Variants in UBR3 observed in about 807,000 individuals in gnomAD.
UBR3 encodes E3 ubiquitin-protein ligase UBR3.
In UBR3, 85 loss-of-function variants were observed where a neutral mutation model predicts 243.2. The observed-to-expected ratio is 0.35, with a 90% CI of 0.29 to 0.42. The LOEUF is 0.42. UBR3 is among the 10% of genes least tolerant of loss of function. UBR3 has a pLI of 1.00. For missense variants in UBR3, 1,686 were observed against 2,300.8 expected, an observed-to-expected ratio of 0.73 and a Z score of 5.47; for synonymous variants, 748 against 799.8, an observed-to-expected ratio of 0.94 and a Z score of 1.09.
In UBR3 at chr2:169,994,346, G is replaced by T; in HGVS notation, c.3808G>T (p.Val1270Phe). The change falls in exon 26 of 39, where the codon GTT becomes TTT. Residue 1270 changes from valine to phenylalanine, a missense_variant. Physicochemically the swap from Val to Phe is conservative, Grantham distance 50 (BLOSUM62 -1). Around this residue, in one of 8 missense-constraint regions of UBR3, gnomAD observed 156 missense variants for 246.3 expected, o/e 0.63. Transcript: ENST00000272793. ...AGTTTTGGGGCAGTGCCGTGACAAT[G>T]TTGAGCCAAAAAAGTTGCCGATCAG... ...SSVLGQCRDN[V>F]EPKKLPISEE... 3 of 1,614,114 alleles carry T rather than the reference G, an allele frequency of 1.9e-6. No homozygotes were observed. Among genetic ancestry groups the T allele is most frequent in the Non-Finnish European group, 2.5e-6 (3 of 1,180,012 alleles).
chr2:170,073,228 AT>A (rs2091737212), intron 35 of UBR3, among the ~76,000 whole-genome samples, 199 bp from the exon 36 acceptor site: 2 of 152,146 alleles, frequency 1.3e-5, no homozygotes, highest in Admixed American at 1.3e-4. Flanking sequence ...TTTCAAAGAG[AT>A]GTATTTTGGG....
At chr2:169,881,634 G>C (rs2083832908) in intron 5 of UBR3, among the ~76,000 whole-genome samples, 2 of 138,740 alleles carry the variant, frequency 1.4e-5, no homozygotes, top group East Asian at 4.1e-4. Flanking sequence ...TTTTGAGATA[G>C]GGTCTTGCTC....
At chr2:169,995,676 T>C (rs1000699985) in intron 26 of UBR3, among the ~76,000 whole-genome samples, 1 of 152,204 alleles carries the variant, frequency 6.6e-6, no homozygotes, top group African/African-American at 2.4e-5. Context: ...TTTAAAGATA[T>C]ATAATAAAAT....
At chr2:169,979,043 T>G (rs2088598516) in intron 24 of UBR3, among the ~76,000 whole-genome samples, 2 of 152,190 alleles carry the variant, frequency 1.3e-5, no homozygotes. Context: ...ATTCAAAAGA[T>G]ATAAATAATT....
At chr2:170,046,712 A>T (rs1023310830) in intron 32 of UBR3, among the ~76,000 whole-genome samples, 16 of 152,002 alleles carry the variant, frequency 1.1e-4, no homozygotes, top group Admixed American at 3.3e-4. Context: ...TAAAACTAAA[A>T]TTTTTTCCTA....
chr2:170,078,121 T>G lies in UBR3; in HGVS notation c.5200-1693T>G, dbSNP rs2091848409. The G allele has an allele frequency of 6.4e-6, 4 of 620,628 alleles. No individual in the cohort carries two copies. The Admixed American group carries it at 9.2e-5, about 14-fold the overall frequency. 38.4% of individuals were successfully genotyped at this position (620,628 alleles called of 1,614,324 possible). On this transcript the variant is annotated intron_variant, in intron 36 of 38. Transcript: ENST00000272793. ...TCTTGATGGTCTTTTTCATTTGTAT[T>G]TTCTCAGCATGGTGCTGTTTAAGAT...
At chr2:169,905,087 T>C (rs2084966105) in intron 8 of UBR3, 27 bp from the exon 9 acceptor site, 4 of 1,428,576 alleles carry the variant, frequency 2.8e-6, no homozygotes, top group Non-Finnish European at 3.7e-6. Context: ...CTTATGAAAT[T>C]TTTGGGTTGT....
intron 11 of UBR3, among the ~76,000 whole-genome samples, chr2:169,916,996 C>T (rs751221366): frequency 6.6e-6 from 1 of 152,122 alleles, no homozygotes; most frequent in African/African-American, 2.4e-5. Flanking sequence ...CTCTCTTTAC[C>T]TCCCAGTGGC....
At position 170,081,907 on chromosome 2, in the gene UBR3, C is replaced by A; in HGVS notation, c.*64C>A. ...TACGAATTTATTTTTCAACAATAAG[C>A]TTTAACTTAATTTGGGGGATTAACA... On this transcript the variant is annotated 3_prime_UTR_variant, in exon 39 of 39. Transcript: ENST00000272793. 8.4e-7 allele frequency: 1 copy of A among 1,184,400 alleles called. No homozygotes were observed. The highest frequency in any genetic ancestry group is 1.2e-6 in the Non-Finnish European group (1 of 862,980). The allele number at this position is 1,184,400 out of a possible 1,614,324, so 73.4% of individuals were successfully genotyped here.
intron 8 of UBR3, among the ~76,000 whole-genome samples, chr2:169,902,189 C>T (rs2105331521): frequency 6.6e-6 from 1 of 152,276 alleles, no homozygotes; most frequent in East Asian, 1.9e-4. Flanking sequence ...CACACATTAC[C>T]AACTCTGTCC....
At chr2:169,960,946 G>A (rs1044419857) in intron 24 of UBR3, among the ~76,000 whole-genome samples, 4 of 152,064 alleles carry the variant, frequency 2.6e-5, no homozygotes, top group African/African-American at 7.3e-5. Context: ...TCTTTAGTAC[G>A]TAGCCTCTTT....
chr2:169,903,760 C>T (rs140264651), intron 8 of UBR3, among the ~76,000 whole-genome samples: 276 of 152,198 alleles, frequency 1.8e-3, no homozygotes, highest in African/African-American at 6.3e-3. Context: ...GTGGCACATA[C>T]TTGTAATCCC....
intron 32 of UBR3, among the ~76,000 whole-genome samples, chr2:170,051,407 C>T (rs1395003590): frequency 6.6e-6 from 1 of 152,086 alleles, no homozygotes; most frequent in East Asian, 1.9e-4. Flanking sequence ...GCAATGGCAC[C>T]ATTATCAGCT....
Position 169,827,462 on chromosome 2 carries a change from TGGA to T in UBR3, c.-41_-39del. The T allele has an allele frequency of 8.2e-7, 1 of 1,217,780 alleles. No individual in the cohort carries two copies. Among genetic ancestry groups the T allele is most frequent in the Non-Finnish European group, 1.0e-6 (1 of 978,904 alleles). 75.4% of individuals were successfully genotyped at this position (1,217,780 alleles called of 1,614,324 possible). On this transcript the variant is annotated 5_prime_UTR_variant, in exon 1 of 39. Coordinates refer to ENST00000272793, the MANE Select transcript of UBR3 (RefSeq NM_172070.4). ...CAGCAGTCTATTCCCTCACTCTCCCTGGAGGAGCCGCTGGCCCTGGACTCTCCA... is the reference window on the plus strand; with the variant it reads ...CAGCAGTCTATTCCCTCACTCTCCCTGGAGCCGCTGGCCCTGGACTCTCCA...
chr2:170,044,287 T>C (rs2091033257), intron 32 of UBR3, among the ~76,000 whole-genome samples: 1 of 152,212 alleles, frequency 6.6e-6, no homozygotes, highest in Non-Finnish European at 1.5e-5. Context: ...TTAGACTTAC[T>C]AGAACGTTAA....
rs571110048 is a variant in UBR3, at chr2:170,046,637, A to G, written c.4660+5652A>G. Among the ~76,000 whole-genome samples the G allele has an allele frequency of 7.9e-5, 12 of 152,344 alleles. No individual in the cohort carries two copies. The South Asian group carries it at 2.5e-3, about 32-fold the overall frequency. ...TTCCAGTTGTTCCTCTTTATGTGAC[A>G]GTAGAAGCTATTGATTATTCTCTAG... On this transcript the variant is annotated intron_variant, in intron 32 of 38. Coordinates refer to ENST00000272793, the MANE Select transcript of UBR3 (RefSeq NM_172070.4).
intron 1 of UBR3, among the ~76,000 whole-genome samples, chr2:169,865,978 C>T (rs1282676812): frequency 6.6e-6 from 1 of 151,768 alleles, no homozygotes; most frequent in Non-Finnish European, 1.5e-5. Flanking sequence ...GGCGAAACCC[C>T]ATCTCTACTA....
intron 32 of UBR3, among the ~76,000 whole-genome samples, chr2:170,046,239 A>G (rs1010948573): frequency 2.0e-5 from 3 of 152,178 alleles, no homozygotes; most frequent in African/African-American, 4.8e-5. Context: ...TGCTGAGACT[A>G]CAAGTGTGAG....
chr2:169,836,701 G>A (rs557590468), intron 1 of UBR3, among the ~76,000 whole-genome samples: 3 of 150,732 alleles, frequency 2.0e-5, no homozygotes, highest in African/African-American at 7.3e-5. Context: ...TTACCAATCT[G>A]TTGGATACAA....
Sources: allele counts gnomAD v4.1 joint callset (sites outside exome capture counted in the v4.1 genomes callset), GRCh38; gene constraint gnomAD v4.1.1; regional missense constraint gnomAD v4.1.1; transcripts MANE v1.5; gene names NCBI Gene and HGNC (gene_info 2026-07-23, HGNC 2026-07-21).